The following ZZZ3 variants were observed in gnomAD, a reference collection of about 807,000 sequenced individuals.
ZZZ3 encodes the protein ZZ-type zinc finger-containing protein 3.
In ZZZ3, 22 loss-of-function variants were observed where a neutral mutation model predicts 95.2. That is an observed-to-expected ratio of 0.23 (90% CI 0.17 to 0.33). The LOEUF is 0.33. ZZZ3 is among the 10% of genes least tolerant of loss of function. ZZZ3 has a pLI of 1.00. For synonymous variants in ZZZ3, 335 were observed against 358.9 expected (o/e 0.93, Z 0.75); for missense variants, 885 against 1,066.5 (o/e 0.83, Z 2.37).
At chr1:77,659,453 C>A (rs1472586130) in intron 1 of ZZZ3, among the ~76,000 whole-genome samples, 1 of 151,956 alleles carries the variant, frequency 6.6e-6, no homozygotes, top group Non-Finnish European at 1.5e-5. Context: ...CACCTGAGGT[C>A]AGGAGCTCGA....
intron 1 of ZZZ3, among the ~76,000 whole-genome samples, chr1:77,672,771 T>A (rs1671900858): frequency 1.3e-5 from 2 of 152,236 alleles, no homozygotes; most frequent in South Asian, 4.1e-4. Context: ...ATGCTCTGAC[T>A]AGTTCACTAG....
At chr1:77,630,039 G>T (rs910901266) in intron 5 of ZZZ3, among the ~76,000 whole-genome samples, 1 of 152,088 alleles carries the variant, frequency 6.6e-6, no homozygotes, top group Non-Finnish European at 1.5e-5. Context: ...AATCAATAAC[G>T]AGTCAAGACT....
Position 77,641,437 on chromosome 1 carries a change from G to C in ZZZ3, c.-259C>G, listed in dbSNP as rs1557754524. The C allele has an allele frequency of 2.5e-6, 1 of 396,080 alleles. No individual in the cohort carries two copies. The highest frequency in any genetic ancestry group is 4.5e-6 in the Non-Finnish European group (1 of 224,620). 24.5% of individuals were successfully genotyped at this position (396,080 alleles called of 1,614,324 possible). On this transcript the variant is annotated 5_prime_UTR_variant, in exon 3 of 15. Coordinates refer to ENST00000370801, the MANE Select transcript of ZZZ3 (RefSeq NM_015534.6). ...CAGGATCCTGCAGTGTTTCTTAAAAGCCTGATACACTGAAAAAGAAACTTC... is the reference window on the plus strand; with the variant it reads ...CAGGATCCTGCAGTGTTTCTTAAAACCCTGATACACTGAAAAAGAAACTTC...
intron 1 of ZZZ3, among the ~76,000 whole-genome samples, chr1:77,650,208 A>C (rs1669677935): frequency 6.6e-6 from 1 of 152,228 alleles, no homozygotes; most frequent in African/African-American, 2.4e-5. Flanking sequence ...CAGCAACATA[A>C]GAGAAGAAAG....
At position 77,565,414 on chromosome 1, in the gene ZZZ3, A is replaced by G. The variant is rs1268343498; in HGVS notation, c.*226T>C. On this transcript the variant is annotated 3_prime_UTR_variant, in exon 15 of 15. Coordinates refer to ENST00000370801, the MANE Select transcript of ZZZ3 (RefSeq NM_015534.6). Reference sequence around the variant, plus strand: ...ATCACCACCTAAAACGCAGTGGTGAAAAATTCACCAGGGAAACCTTTGCTC... The same window carrying G: ...ATCACCACCTAAAACGCAGTGGTGAGAAATTCACCAGGGAAACCTTTGCTC... 5 of 436,264 alleles carry G rather than the reference A, an allele frequency of 1.1e-5. No individual in the cohort carries two copies. The Admixed American group carries it at 2.0e-4, about 18-fold the overall frequency. 27.0% of individuals were successfully genotyped at this position (436,264 alleles called of 1,614,324 possible).
chr1:77,655,041 G>A (rs1670145671), intron 1 of ZZZ3, among the ~76,000 whole-genome samples: 1 of 152,152 alleles, frequency 6.6e-6, no homozygotes, highest in Non-Finnish European at 1.5e-5. Flanking sequence ...AGGATTCTCT[G>A]AAGAGATTTG....
intron 5 of ZZZ3, among the ~76,000 whole-genome samples, chr1:77,587,555 C>A (rs1160816406): frequency 6.6e-6 from 1 of 152,180 alleles, no homozygotes; most frequent in African/African-American, 2.4e-5. Context: ...TGAGCCACCG[C>A]GCCCAGCCCT....
intron 5 of ZZZ3, among the ~76,000 whole-genome samples, chr1:77,620,725 G>A (rs963720768): frequency 6.6e-5 from 10 of 152,194 alleles, no homozygotes; most frequent in Non-Finnish European, 1.5e-4. Flanking sequence ...GGTATACTAT[G>A]GGACATGGAA....
In ZZZ3 at chr1:77,632,914, C is replaced by T. The variant is rs980130578; in HGVS notation, c.441G>A (p.Arg147=). 6.2e-7 allele frequency: 1 copy of T among 1,614,144 alleles called. No homozygotes were observed. Among genetic ancestry groups the T allele is most frequent in the Non-Finnish European group, 8.5e-7 (1 of 1,180,026 alleles). Residue 147 remains arginine, a synonymous_variant, in exon 5 of 15, where the codon AGG becomes AGA. Transcript: ENST00000370801. ...IKSDKESVEQ[R]STVVDNDADF... Reference sequence around the variant, plus strand: ...CTGCATCATTGTCCACTACTGTACTCCTCTGTTCTACTGACTCCTTGTCTG... The same window carrying T: ...CTGCATCATTGTCCACTACTGTACTTCTCTGTTCTACTGACTCCTTGTCTG...
rs142574843 is a variant in ZZZ3 at position 77,595,796 on chromosome 1, C to T, written c.1506-11141G>A. On this transcript the variant is annotated intron_variant, in intron 5 of 14. Transcript: ENST00000370801. ...ACTTCAAAGAAAGCTATGTAGCTGA[C>T]GTATAAAATTACACTCTGAGCATCC... 1.2e-3 allele frequency among the ~76,000 whole-genome samples: 179 copies of T among 152,062 alleles called. 1 individual carries two copies. Among genetic ancestry groups the T allele is most frequent in the African/African-American group, 4.2e-3 (173 of 41,526 alleles).
chr1:77,625,021 T>C (rs1667213298), intron 5 of ZZZ3, among the ~76,000 whole-genome samples: 2 of 152,312 alleles, frequency 1.3e-5, no homozygotes, highest in South Asian at 2.1e-4. Flanking sequence ...AGGTTTCCTA[T>C]AGATCTGGTG....
At position 77,648,555 on chromosome 1, in the gene ZZZ3, T is replaced by C. The variant is rs376058238; in HGVS notation, c.-402-6900A>G. On this transcript the variant is annotated intron_variant, in intron 1 of 14. Transcript: ENST00000370801. The stretch of plus-strand genomic sequence containing the variant: ...GATACGTAAGTCTTTTTAATGTGAA[T>C]TGATTCTTCTACTTAGAAAAACACA... Among the ~76,000 whole-genome samples, 4 of 152,252 alleles carry C rather than the reference T, an allele frequency of 2.6e-5. No individual in the cohort carries two copies. In the East Asian group the frequency reaches 7.7e-4, roughly 29 times the overall value.
At chr1:77,580,628 AT>A (rs1662410193) in intron 9 of ZZZ3, 1 of 164,672 alleles carries the variant, frequency 6.1e-6, no homozygotes, top group Admixed American at 6.0e-5. Context: ...CTGACTCAAA[AT>A]ACAGGCTCTT....
intron 5 of ZZZ3, among the ~76,000 whole-genome samples, chr1:77,631,345 TAAGTCA>T (rs968996169): frequency 5.3e-5 from 8 of 152,174 alleles, no homozygotes; most frequent in African/African-American, 1.9e-4. Context: ...TCCACTTCTC[TAAGTCA>T]AAGTCAAAGA....
At chr1:77,664,969 C>T (rs1671125862) in intron 1 of ZZZ3, among the ~76,000 whole-genome samples, 1 of 152,160 alleles carries the variant, frequency 6.6e-6, no homozygotes, top group South Asian at 2.1e-4. Flanking sequence ...TTCTAGTCTT[C>T]TGGCATACTT....
At chr1:77,647,840 A>G (rs1046057142) in intron 1 of ZZZ3, among the ~76,000 whole-genome samples, 3 of 152,168 alleles carry the variant, frequency 2.0e-5, no homozygotes, top group African/African-American at 7.2e-5. Flanking sequence ...GACATGAAGT[A>G]CAATGCTCAG....
At chr1:77,682,938 C>A (rs531769484), upstream of ZZZ3, among the ~76,000 whole-genome samples, 4 of 152,190 alleles carry the variant, frequency 2.6e-5, no homozygotes, top group Admixed American at 6.5e-5. Context: ...CTGCCCCAGG[C>A]AGCCTCCCTG....
rs1667971382 is a variant in ZZZ3, at chr1:77,633,199, C to T, written c.156G>A (p.Lys52=). 1.2e-6 allele frequency: 2 copies of T among 1,614,042 alleles called. No homozygotes were observed. Among genetic ancestry groups the T allele is most frequent in the African/African-American group, 1.3e-5 (1 of 74,936 alleles). ...NSQVRSRSPK[K]RPEPVPIQKG... is the part of the protein sequence containing the mutation. ...TCTGAATTGGCACAGGCTCTGGTCT[C>T]TTCTTTGGTGATCTTGATCGTACTT... Residue 52 remains lysine (K), a synonymous_variant, in exon 5 of 15, where the codon AAG becomes AAA. Coordinates refer to ENST00000370801, the MANE Select transcript of ZZZ3 (RefSeq NM_015534.6).
At chr1:77,601,755 T>C (rs747405701) in intron 5 of ZZZ3, among the ~76,000 whole-genome samples, 2 of 152,186 alleles carry the variant, frequency 1.3e-5, no homozygotes, top group Non-Finnish European at 2.9e-5. Flanking sequence ...CTAAGCCCTT[T>C]ACAACCTCTA....
Sources: allele counts gnomAD v4.1 joint callset (sites outside exome capture counted in the v4.1 genomes callset), GRCh38; gene constraint gnomAD v4.1.1; transcripts MANE v1.5; gene names NCBI Gene and HGNC (gene_info 2026-07-23, HGNC 2026-07-21).